ANXA4: variants seen among roughly 807,000 people sequenced by gnomAD.
ANXA4 encodes the protein 35-beta calcimedin.
Under a neutral mutation model 49.8 loss-of-function variants are expected in ANXA4, and 39 were observed. That is an observed-to-expected ratio of 0.78 (90% CI 0.61 to 1.02). The LOEUF (loss-of-function observed/expected upper bound fraction) is 1.02, where lower values mean the gene tolerates loss of function less well. Ranked by LOEUF, ANXA4 falls within the 50% of genes least tolerant of loss-of-function variation. The probability of loss-of-function intolerance (pLI) is 0.00; values close to 1 mark genes in which losing one functional copy is unlikely to be tolerated. For synonymous variants in ANXA4, 134 were observed against 152.5 expected (o/e 0.88, Z 0.89); for missense variants, 360 against 410.1 (o/e 0.88, Z 1.05).
At chr2:69,778,549 G>A (rs188779893) in intron 1 of ANXA4, among the ~76,000 whole-genome samples, 41 of 152,270 alleles carry the variant, frequency 2.7e-4, no homozygotes, top group African/African-American at 9.9e-4. Context: ...GCCGAGGCGG[G>A]CAGATCACCT....
rs746803673 is a variant in ANXA4 at position 69,804,639 on chromosome 2, T to C, written c.192+12T>C. On this transcript the variant is annotated intron_variant, in intron 4 of 12. Coordinates refer to ENST00000394295, the MANE Select transcript of ANXA4 (RefSeq NM_001153.5). ...GCACCATCGGCAGGGTAGGCCACAGTCTTTCCTGCTCTGTCTGGCTGACTT... is the reference window on the plus strand; with the variant it reads ...GCACCATCGGCAGGGTAGGCCACAGCCTTTCCTGCTCTGTCTGGCTGACTT... 6.2e-7 allele frequency: 1 copy of C among 1,601,940 alleles called. No individual in the cohort carries two copies. The highest frequency in any genetic ancestry group is 1.3e-5 in the African/African-American group (1 of 74,692).
At chr2:69,741,008 T>C (rs1357956543), upstream of ANXA4, among the ~76,000 whole-genome samples, 5 of 152,148 alleles carry the variant, frequency 3.3e-5, no homozygotes, top group Non-Finnish European at 5.9e-5. Flanking sequence ...TTTTAAGTTA[T>C]CATATGCAGA....
At chr2:69,737,701 T>C (rs1670279377), upstream of ANXA4, among the ~76,000 whole-genome samples, 1 of 152,146 alleles carries the variant, frequency 6.6e-6, no homozygotes, top group South Asian at 2.1e-4. Context: ...TGGGCTCAAG[T>C]TGTCCTCCTG....
chr2:69,671,790 T>G (rs1007215589), intron 2 of ANXA4, among the ~76,000 whole-genome samples: 1 of 152,138 alleles, frequency 6.6e-6, no homozygotes, highest in African/African-American at 2.4e-5. Flanking sequence ...TTGACCTCAT[T>G]CATAGTCAGG....
intron 2 of ANXA4, among the ~76,000 whole-genome samples, chr2:69,668,832 A>C (rs1677040976): frequency 6.6e-6 from 1 of 152,202 alleles, no homozygotes; most frequent in Admixed American, 6.5e-5. Context: ...ATGTCCCACA[A>C]GATGGTAAAC....
chr2:69,778,217 C>T (rs560216573), intron 1 of ANXA4, among the ~76,000 whole-genome samples: 3 of 152,166 alleles, frequency 2.0e-5, no homozygotes, highest in Non-Finnish European at 4.4e-5. Flanking sequence ...TTCATCATCT[C>T]GCCGAAATCA....
intron 2 of ANXA4, among the ~76,000 whole-genome samples, chr2:69,679,846 T>A (rs1677536135): frequency 6.6e-6 from 1 of 152,220 alleles, no homozygotes; most frequent in African/African-American, 2.4e-5. Flanking sequence ...GGATTCTGTG[T>A]TCTGTGGTCT....
intron 1 of ANXA4, chr2:69,652,914 T>C (rs1356720913): frequency 6.6e-6 from 1 of 152,172 alleles, no homozygotes; most frequent in Non-Finnish European, 1.5e-5. Context: ...ACATAAAATA[T>C]AGAGTGGGGT....
In ANXA4 at chr2:69,806,452, C is replaced by T. The variant is rs2228203; in HGVS notation, c.260C>T (p.Thr87Met). 307,918 of 1,613,390 alleles carry T rather than the reference C, an allele frequency of 0.19. 31,391 individuals carry two copies. Among genetic ancestry groups the T allele is most frequent in the African/African-American group, 0.31 (23,073 of 74,904 alleles). ...GAGCAGGTGATTGTGGGGATGATGA[C>T]GCCCACGGTGCTGTATGACGTGCAA... Reference protein sequence around the residue: ...NFEQVIVGMMTPTVLYDVQEL... With the variant: ...NFEQVIVGMMMPTVLYDVQEL... The change falls in exon 5 of 13, where the codon ACG (threonine) becomes ATG (methionine). Residue 87 changes from threonine to methionine, a missense_variant. Physicochemically the swap from Thr to Met is moderately conservative, Grantham distance 81. Coordinates refer to ENST00000394295, the MANE Select transcript of ANXA4 (RefSeq NM_001153.5).
chr2:69,719,547 C>A (rs896501241), intron 2 of ANXA4, among the ~76,000 whole-genome samples: 1 of 151,518 alleles, frequency 6.6e-6, no homozygotes, highest in Non-Finnish European at 1.5e-5. Context: ...TTGAGTGATT[C>A]TTGTGCCTCA....
intron 2 of ANXA4, among the ~76,000 whole-genome samples, chr2:69,785,923 A>G (rs1375220806): frequency 1.3e-5 from 2 of 152,172 alleles, no homozygotes; most frequent in African/African-American, 4.8e-5. Context: ...GGAGAGACCC[A>G]GGCTTATCCT....
intron 2 of ANXA4, among the ~76,000 whole-genome samples, chr2:69,669,949 T>C (rs1180929040): frequency 1.3e-5 from 2 of 152,182 alleles, no homozygotes; most frequent in Non-Finnish European, 2.9e-5. Flanking sequence ...TTAATAGTTA[T>C]CTTGCCTCTG....
At chr2:69,774,270 A>G (rs1370219201) in intron 1 of ANXA4, among the ~76,000 whole-genome samples, 1 of 151,788 alleles carries the variant, frequency 6.6e-6, no homozygotes, top group South Asian at 2.1e-4. Flanking sequence ...AGAAAATTCA[A>G]TAAGACTCCC....
chr2:69,798,224 C>T (rs1329926628), intron 3 of ANXA4, among the ~76,000 whole-genome samples: 1 of 152,174 alleles, frequency 6.6e-6, no homozygotes, highest in African/African-American at 2.4e-5. Flanking sequence ...TCATGGAATT[C>T]CCCTGTCTGT....
At chr2:69,734,597 C>T (rs1301685062) in intron 3 of ANXA4, among the ~76,000 whole-genome samples, 1 of 151,988 alleles carries the variant, frequency 6.6e-6, no homozygotes, top group Non-Finnish European at 1.5e-5. Context: ...TCACCAGTCA[C>T]CTCTAGACCT....
chr2:69,665,178 C>G (rs1425320193), intron 2 of ANXA4, among the ~76,000 whole-genome samples: 1 of 152,184 alleles, frequency 6.6e-6, no homozygotes, highest in South Asian at 2.1e-4. Context: ...CAGCTTCCAT[C>G]TAGCTCTCTT....
At chr2:69,735,784 C>A (rs762748665) in intron 3 of ANXA4, among the ~76,000 whole-genome samples, 11 of 152,102 alleles carry the variant, frequency 7.2e-5, no homozygotes, top group Non-Finnish European at 1.5e-4. Flanking sequence ...TTATTATTAT[C>A]TCTCATGATT....
intron 2 of ANXA4, among the ~76,000 whole-genome samples, chr2:69,657,320 A>C (rs535305428): frequency 6.6e-6 from 1 of 152,028 alleles, no homozygotes; most frequent in African/African-American, 2.4e-5. Context: ...AACACCTTGT[A>C]CTCGCTCATA....
chr2:69,751,829 G>A (rs908027002), intron 1 of ANXA4, among the ~76,000 whole-genome samples: 1 of 152,180 alleles, frequency 6.6e-6, no homozygotes, highest in African/African-American at 2.4e-5. Context: ...TCTTCAAGAG[G>A]TAGGCAGGAG....
Sources: allele counts gnomAD v4.1 joint callset (sites outside exome capture counted in the v4.1 genomes callset), GRCh38; gene constraint gnomAD v4.1.1; transcripts MANE v1.5; gene names NCBI Gene and HGNC (gene_info 2026-07-23, HGNC 2026-07-21).